Variants in HEATR4 observed in about 807,000 individuals in gnomAD.
HEATR4 encodes HEAT repeat-containing protein 4.
Under a neutral mutation model 108.8 loss-of-function variants are expected in HEATR4, and 95 were observed. The ratio of observed to expected loss-of-function variants is 0.87; its 90% CI spans 0.74 to 1.04. The LOEUF is 1.04. Among genes scored for constraint, HEATR4 ranks in the 50% least tolerant of loss-of-function variants. The probability of loss-of-function intolerance (pLI) is 0.00; values close to 1 mark genes in which losing one functional copy is unlikely to be tolerated. For missense variants in HEATR4, 1,152 were observed against 1,253.8 expected (o/e 0.92, Z 1.23); for synonymous variants, 443 against 459.4 (o/e 0.96, Z 0.46).
chr14:73,606,932 G>C, the HEATR4 span, among the ~76,000 whole-genome samples: 4 of 152,288 alleles, frequency 2.6e-5, no homozygotes, highest in East Asian at 5.8e-4. Flanking sequence ...ACTATAACAT[G>C]ATCCCCCAAA....
intron 12 of HEATR4, among the ~76,000 whole-genome samples, chr14:73,499,768 AT>A (rs973440108): frequency 2.6e-5 from 4 of 152,150 alleles, no homozygotes; most frequent in African/African-American, 7.2e-5. Context: ...CCTAAAGCCC[AT>A]CAGCACCCAG....
chr14:73,480,762 T>G (rs1362449901), intron 17 of HEATR4: 4 of 152,200 alleles, frequency 2.6e-5, no homozygotes, highest in Admixed American at 1.3e-4. Context: ...CTCATACTTG[T>G]AATCTCAGCA....
intron 7 of HEATR4, among the ~76,000 whole-genome samples, chr14:73,509,799 G>C: frequency 1.0e-5 from 1 of 98,834 alleles, no homozygotes; most frequent in African/African-American, 3.9e-5. Flanking sequence ...CAACCAATTT[G>C]CCCCATGAGC....
the HEATR4 span, among the ~76,000 whole-genome samples, chr14:73,593,534 G>A: frequency 6.6e-6 from 1 of 151,334 alleles, no homozygotes; most frequent in Non-Finnish European, 1.5e-5. Context: ...GTAGAGATGG[G>A]GTCTCACTAC....
chr14:73,598,217 CAAAAA>C, the HEATR4 span, among the ~76,000 whole-genome samples: 11 of 54,908 alleles, frequency 2.0e-4, no homozygotes, highest in Admixed American at 7.8e-4. Context: ...ACTAAAAATA[CAAAAA>C]AAAAAAAAAA....
At chr14:73,592,827 T>A in the HEATR4 span, among the ~76,000 whole-genome samples, 1 of 152,184 alleles carries the variant, frequency 6.6e-6, no homozygotes, top group East Asian at 1.9e-4. Context: ...CACTCCAGCC[T>A]GGGTGACAGA....
chr14:73,487,412 A>G (rs150442611), intron 17 of HEATR4, among the ~76,000 whole-genome samples: 79 of 152,260 alleles, frequency 5.2e-4, no homozygotes, highest in Non-Finnish European at 9.0e-4. Flanking sequence ...CTAAAAATAC[A>G]AAAATTAGTT....
At chr14:73,576,935 T>C in the HEATR4 span, among the ~76,000 whole-genome samples, 1 of 108,962 alleles carries the variant, frequency 9.2e-6, no homozygotes, top group East Asian at 2.0e-4. Flanking sequence ...TTCTTTTCTT[T>C]TTTTTTTTTT....
chr14:73,538,406 G>A (rs372084689), intron 1 of HEATR4, among the ~76,000 whole-genome samples: 1 of 111,768 alleles, frequency 8.9e-6, no homozygotes, highest in African/African-American at 2.9e-5. Flanking sequence ...GACGTCAGGA[G>A]ATCAAGGCCA....
Position 73,512,096 on chromosome 14 carries a change from G to A in HEATR4, c.1468C>T (p.Leu490=). Residue 490 remains leucine (L), a synonymous_variant, in exon 7 of 18, where the codon CTG becomes TTG. Transcript: ENST00000553558. ...VENLLQSLGD[L]HDDVRIKAIT... ...GCTTTGATCCGAACGTCATCATGCA[G>A]GTCTCCCAAGCTCTGAAGCAGGTTC... is the stretch of plus-strand genomic sequence containing the variant. 6.2e-7 allele frequency: 1 copy of A among 1,614,146 alleles called. No homozygotes were observed. Among genetic ancestry groups the A allele is most frequent in the Non-Finnish European group, 8.5e-7 (1 of 1,180,022 alleles).
chr14:73,633,556 T>C, the HEATR4 span: 1 of 152,210 alleles, frequency 6.6e-6, no homozygotes, highest in Non-Finnish European at 1.5e-5. Context: ...GGAAAGGAAT[T>C]TGTTAGGACC....
the HEATR4 span, among the ~76,000 whole-genome samples, chr14:73,572,517 A>G: frequency 4.6e-5 from 7 of 151,496 alleles, no homozygotes; most frequent in Non-Finnish European, 7.4e-5. Flanking sequence ...ACCAAGAGTG[A>G]TACACAGAAA....
chr14:73,546,341 T>C (rs1889229505), intron 1 of HEATR4, among the ~76,000 whole-genome samples: 1 of 109,154 alleles, frequency 9.2e-6, no homozygotes, highest in African/African-American at 3.1e-5. Context: ...AGATTACCTA[T>C]CAGCCTCTTG....
At chr14:73,591,950 C>T in the HEATR4 span, 2 of 1,363,384 alleles carry the variant, frequency 1.5e-6, no homozygotes, top group South Asian at 1.9e-5. Context: ...TTCCCCGCTC[C>T]GGCTCCAAGA....
chr14:73,602,191 G>A, the HEATR4 span, among the ~76,000 whole-genome samples: 6 of 151,968 alleles, frequency 3.9e-5, no homozygotes, highest in South Asian at 2.1e-4. Flanking sequence ...CGCCCGCCTC[G>A]GCCTCCCAAA....
At chr14:73,504,787 T>A (rs984358304) in intron 10 of HEATR4, among the ~76,000 whole-genome samples, 1 of 152,142 alleles carries the variant, frequency 6.6e-6, no homozygotes, top group Non-Finnish European at 1.5e-5. Flanking sequence ...TCCAAAGTTA[T>A]AAGGAAAAGA....
intron 7 of HEATR4, among the ~76,000 whole-genome samples, chr14:73,510,550 C>T (rs138078035): frequency 1.3e-3 from 197 of 152,258 alleles, no homozygotes; most frequent in African/African-American, 4.4e-3. Flanking sequence ...ATTCTTCTGC[C>T]TCAGCCTTCC....
At chr14:73,565,797 C>T in the HEATR4 span, among the ~76,000 whole-genome samples, 24 of 151,890 alleles carry the variant, frequency 1.6e-4, no homozygotes, top group Non-Finnish European at 2.8e-4. Flanking sequence ...GCAGTGTGGA[C>T]GCAAAGAGTG....
chr14:73,494,835 C>T (rs2335936), intron 16 of HEATR4, among the ~76,000 whole-genome samples: 114,684 of 152,012 alleles, frequency 0.75, 43,598 homozygotes, highest in East Asian at 0.86. Context: ...CACTGAGAGT[C>T]CAGGTGTGCG....
Sources: gnomAD v4.1 joint callset for allele counts (sites outside exome capture counted in the v4.1 genomes callset) on GRCh38, gnomAD v4.1.1 for gene constraint, MANE v1.5 for transcripts, NCBI Gene and HGNC (gene_info 2026-07-23, HGNC 2026-07-21) for gene names.